MORC1: variants seen among roughly 807,000 people sequenced by gnomAD.
MORC1 encodes MORC family CW-type zinc finger protein 1.
Under a neutral mutation model 134.9 loss-of-function variants are expected in MORC1, and 59 were observed. The observed-to-expected ratio is 0.44, with a 90% confidence interval of 0.35 to 0.54. MORC1 has a LOEUF of 0.54. MORC1 is among the 20% of genes least tolerant of loss of function. MORC1 has a pLI of 0.00. For synonymous variants in MORC1, 395 were observed against 391.7 expected (o/e 1.01, Z -0.10); for missense variants, 947 against 1,134.5 (o/e 0.83, Z 2.37).
At chr3:109,116,151 T>A (rs1951268802) in intron 1 of MORC1, among the ~76,000 whole-genome samples, 1 of 152,120 alleles carries the variant, frequency 6.6e-6, no homozygotes, top group South Asian at 2.1e-4. Flanking sequence ...AGCTTGTACT[T>A]GGCTGACATA....
rs780923882 is a variant in MORC1, at chr3:109,027,898, T to G, written c.1566-9A>C. ...ATTCTACCTGATGACAACTTCAGAA[T>G]CAACAAGTACAAGATTAACATCAGG... On this transcript the variant is annotated splice_polypyrimidine_tract_variant and intron_variant, in intron 16 of 27. Coordinates refer to ENST00000232603, the MANE Select transcript of MORC1 (RefSeq NM_014429.4). 1.8e-5 allele frequency: 29 copies of G among 1,612,604 alleles called. No homozygotes were observed. The highest frequency in any genetic ancestry group is 1.6e-4 in the Middle Eastern group (1 of 6,072).
intron 24 of MORC1, among the ~76,000 whole-genome samples, chr3:108,977,986 T>A (rs973290959): frequency 6.6e-6 from 1 of 152,162 alleles, no homozygotes; most frequent in African/African-American, 2.4e-5. Flanking sequence ...CACGCCATTC[T>A]CCTGCCTCAG....
At chr3:109,007,247 C>T (rs920940383) in intron 17 of MORC1, among the ~76,000 whole-genome samples, 156 bp from the exon 18 acceptor site, 3 of 152,166 alleles carry the variant, frequency 2.0e-5, no homozygotes, top group African/African-American at 7.2e-5. Context: ...GTTTAGATAT[C>T]CTGTAGTAAT....
chr3:109,029,091 T>C lies in MORC1; in HGVS notation c.1566-1202A>G, dbSNP rs1169617414. ...CAGATGAGACCCATCACTTCTCTGTTCTTCAGGGCTGCAGCATATATTTTT... is the reference window on the plus strand; with the variant it reads ...CAGATGAGACCCATCACTTCTCTGTCCTTCAGGGCTGCAGCATATATTTTT... On this transcript the variant is annotated intron_variant, in intron 16 of 27. Transcript: ENST00000232603. 2.0e-5 allele frequency among the ~76,000 whole-genome samples: 3 copies of C among 152,316 alleles called. No homozygotes were observed. The South Asian group carries it at 6.2e-4, about 32-fold the overall frequency.
intron 8 of MORC1, among the ~76,000 whole-genome samples, chr3:109,077,169 T>G (rs1044144195): frequency 6.6e-6 from 1 of 152,090 alleles, no homozygotes; most frequent in African/African-American, 2.4e-5. Flanking sequence ...AAACAAATAT[T>G]GAAGTGGAAG....
At chr3:108,981,298 A>G (rs1386544619) in intron 23 of MORC1, among the ~76,000 whole-genome samples, 1 of 152,210 alleles carries the variant, frequency 6.6e-6, no homozygotes, top group African/African-American at 2.4e-5. Flanking sequence ...ATCTTTTAAA[A>G]TTGGATAACA....
At chr3:109,068,246 G>T (rs986298248) in intron 9 of MORC1, among the ~76,000 whole-genome samples, 16 of 152,098 alleles carry the variant, frequency 1.1e-4, no homozygotes, top group African/African-American at 3.9e-4. Context: ...GGGTACAGGT[G>T]GTGTTTGGTT....
At chr3:109,063,522 A>T (rs1576698267) in intron 9 of MORC1, among the ~76,000 whole-genome samples, 1 of 152,264 alleles carries the variant, frequency 6.6e-6, no homozygotes, top group Non-Finnish European at 1.5e-5. Context: ...TTCTTTAAAA[A>T]ATTCTATGAA....
At chr3:109,078,983 T>C (rs917368825) in intron 8 of MORC1, among the ~76,000 whole-genome samples, 10 of 151,860 alleles carry the variant, frequency 6.6e-5, no homozygotes, top group Admixed American at 2.6e-4. Flanking sequence ...CATTAAAAAG[T>C]AATAAAAGAA....
At chr3:108,996,482 A>T (rs1397610521) in intron 21 of MORC1, among the ~76,000 whole-genome samples, 1 of 152,184 alleles carries the variant, frequency 6.6e-6, no homozygotes, top group Non-Finnish European at 1.5e-5. Context: ...TCCAACTGAG[A>T]GGCTATCTAG....
chr3:109,040,481 A>AAGG (rs1949507997), intron 14 of MORC1, among the ~76,000 whole-genome samples: 1 of 141,000 alleles, frequency 7.1e-6, no homozygotes, highest in African/African-American at 2.6e-5. Context: ...AGAAAGAAAG[A>AAGG]AAGAAAGGAA....
intron 2 of MORC1, among the ~76,000 whole-genome samples, chr3:109,112,540 T>C (rs1346205123): frequency 6.6e-6 from 1 of 152,154 alleles, no homozygotes; most frequent in East Asian, 1.9e-4. Context: ...AAAGAGGGAC[T>C]GAAGGGTTGA....
chr3:108,962,124 G>A (rs910195853), intron 27 of MORC1, among the ~76,000 whole-genome samples: 10 of 152,050 alleles, frequency 6.6e-5, no homozygotes, highest in Non-Finnish European at 1.0e-4. Flanking sequence ...TGGCTGAAGT[G>A]GTATGGTTGA....
intron 22 of MORC1, 99 bp from the exon 23 acceptor site, chr3:108,984,881 T>G (rs1576596892): frequency 1.2e-6 from 1 of 803,058 alleles, no homozygotes; most frequent in South Asian, 1.8e-5. Flanking sequence ...CTGTATAATA[T>G]GGATTTGTAT....
At chr3:109,088,945 T>C (rs1950666492) in intron 8 of MORC1, among the ~76,000 whole-genome samples, 1 of 152,132 alleles carries the variant, frequency 6.6e-6, no homozygotes, top group Non-Finnish European at 1.5e-5. Context: ...CTGTTATTTT[T>C]AGCAAACTAA....
intron 24 of MORC1, among the ~76,000 whole-genome samples, chr3:108,973,926 T>C (rs995446616): frequency 3.3e-5 from 5 of 152,178 alleles, no homozygotes; most frequent in African/African-American, 1.2e-4. Flanking sequence ...AGTACTAGAA[T>C]TGTGCTAAGC....
chr3:109,032,100 T>C (rs1949254689), intron 16 of MORC1, among the ~76,000 whole-genome samples: 3 of 152,170 alleles, frequency 2.0e-5, no homozygotes, highest in Admixed American at 2.0e-4. Context: ...TTAAAAATAT[T>C]GATTCACGTA....
chr3:108,981,197 A>G (rs1259030174), intron 23 of MORC1, among the ~76,000 whole-genome samples: 1 of 152,178 alleles, frequency 6.6e-6, no homozygotes, highest in African/African-American at 2.4e-5. Flanking sequence ...TTGTCAAGTA[A>G]TAAAAAGATT....
At chr3:108,990,771 A>T (rs1470390157) in intron 21 of MORC1, among the ~76,000 whole-genome samples, 1 of 150,550 alleles carries the variant, frequency 6.6e-6, no homozygotes, top group African/African-American at 2.5e-5. Context: ...AGAATAAAAG[A>T]AAGTAAAAAA....
Sources: allele counts gnomAD v4.1 joint callset (sites outside exome capture counted in the v4.1 genomes callset), GRCh38; gene constraint gnomAD v4.1.1; transcripts MANE v1.5; gene names NCBI Gene and HGNC (gene_info 2026-07-23, HGNC 2026-07-21).